Variants in CHSY1 observed in about 807,000 individuals in gnomAD.
The protein encoded by CHSY1 is N-acetylgalactosaminyl-proteoglycan 3-beta-glucuronosyltransferase 1.
A neutral mutation model predicts 59.8 loss-of-function variants in CHSY1; 13 were observed. The observed-to-expected ratio is 0.22, with a 90% confidence interval of 0.14 to 0.35. The LOEUF (loss-of-function observed/expected upper bound fraction) is 0.35, where lower values mean the gene tolerates loss of function less well. Among genes scored for constraint, CHSY1 ranks in the 10% least tolerant of loss-of-function variants. The probability of loss-of-function intolerance (pLI) is 1.00; values close to 1 mark genes in which losing one functional copy is unlikely to be tolerated. For missense variants in CHSY1, 947 were observed against 1,030.6 expected (o/e 0.92, Z 1.11); for synonymous variants, 459 against 401.2 (o/e 1.14, Z -1.72).
intron 1 of CHSY1, among the ~76,000 whole-genome samples, chr15:101,249,194 G>C (rs1486514192): frequency 6.6e-6 from 1 of 151,960 alleles, no homozygotes; most frequent in Non-Finnish European, 1.5e-5. Context: ...ATTTGGTTCA[G>C]GGGGCATGGG....
intron 2 of CHSY1, among the ~76,000 whole-genome samples, chr15:101,218,399 A>T (rs1373983810): frequency 6.6e-6 from 1 of 152,032 alleles, no homozygotes; most frequent in Non-Finnish European, 1.5e-5. Context: ...GAGTTTGAGA[A>T]CAGCCTGGTC....
At chr15:101,190,347 G>A (rs1341141221) in intron 2 of CHSY1, among the ~76,000 whole-genome samples, 3 of 152,174 alleles carry the variant, frequency 2.0e-5, no homozygotes, top group African/African-American at 7.2e-5. Context: ...ACAGTTTTCA[G>A]AGCATAGGCA....
intron 2 of CHSY1, among the ~76,000 whole-genome samples, chr15:101,191,311 A>C (rs963712542): frequency 6.6e-6 from 1 of 152,250 alleles, no homozygotes; most frequent in Non-Finnish European, 1.5e-5. Context: ...AAGAAGCCAA[A>C]CTGAAAAGGC....
At chr15:101,224,676 G>C (rs529135064) in intron 2 of CHSY1, among the ~76,000 whole-genome samples, 1 of 152,192 alleles carries the variant, frequency 6.6e-6, no homozygotes, top group African/African-American at 2.4e-5. Flanking sequence ...CTCCCACCTG[G>C]TCTAAGACCC....
intron 2 of CHSY1, among the ~76,000 whole-genome samples, chr15:101,222,382 T>C (rs541196310): frequency 1.4e-3 from 208 of 152,352 alleles, no homozygotes; most frequent in African/African-American, 4.7e-3. Context: ...ATTGTAAAGA[T>C]GGCAGAGACA....
intron 2 of CHSY1, among the ~76,000 whole-genome samples, chr15:101,201,372 A>C (rs1738498511): frequency 6.6e-6 from 1 of 152,234 alleles, no homozygotes; most frequent in Admixed American, 6.5e-5. Flanking sequence ...TCCTGGCAGG[A>C]GGAACCACCA....
At chr15:101,223,894 A>C (rs1567101804) in intron 2 of CHSY1, among the ~76,000 whole-genome samples, 1 of 152,256 alleles carries the variant, frequency 6.6e-6, no homozygotes, top group Non-Finnish European at 1.5e-5. Context: ...CCACTTTTAC[A>C]GTCCTGGCCC....
At chr15:101,232,757 A>T (rs1282541041) in intron 2 of CHSY1, among the ~76,000 whole-genome samples, 1 of 152,256 alleles carries the variant, frequency 6.6e-6, no homozygotes, top group Non-Finnish European at 1.5e-5. Context: ...GTAAGACAAC[A>T]TTTCAGCAGA....
chr15:101,222,558 A>G (rs1435438353), intron 2 of CHSY1, among the ~76,000 whole-genome samples: 2 of 152,096 alleles, frequency 1.3e-5, no homozygotes, highest in African/African-American at 4.8e-5. Context: ...CTTCCAATCT[A>G]GGGCCCCACA....
intron 2 of CHSY1, among the ~76,000 whole-genome samples, chr15:101,229,830 C>T (rs1014960085): frequency 2.0e-5 from 3 of 151,870 alleles, no homozygotes; most frequent in South Asian, 2.1e-4. Flanking sequence ...TCGCTTGAAC[C>T]GAGGAGGCAG....
chr15:101,182,782 C>A (rs953477595), intron 2 of CHSY1, among the ~76,000 whole-genome samples: 3 of 152,232 alleles, frequency 2.0e-5, no homozygotes, highest in Non-Finnish European at 4.4e-5. Flanking sequence ...AGCAAAGACA[C>A]TAGTTTTAAA....
At position 101,232,197 on chromosome 15, in the gene CHSY1, C is replaced by A. The variant is rs150398827; in HGVS notation, c.816+2885G>T. Among the ~76,000 whole-genome samples, 1,152 of 152,272 alleles carry A rather than the reference C, an allele frequency of 7.6e-3. 11 individuals carry two copies. The highest frequency in any genetic ancestry group is 0.013 in the Non-Finnish European group (860 of 68,022). ...CCTTCTGGCTAGGCTTATAATAGGG[C>A]AAAATAAGTACCTTCCAAGTCCCAA... On this transcript the variant is annotated intron_variant, in intron 2 of 2. Coordinates refer to ENST00000254190, the MANE Select transcript of CHSY1 (RefSeq NM_014918.5).
At chr15:101,250,078 A>G (rs2039091523) in intron 1 of CHSY1, among the ~76,000 whole-genome samples, 1 of 152,190 alleles carries the variant, frequency 6.6e-6, no homozygotes, top group Middle Eastern at 3.2e-3. Flanking sequence ...CCAAGACTGC[A>G]TTTAAAAACT....
chr15:101,214,057 C>T (rs1001795272), intron 2 of CHSY1, among the ~76,000 whole-genome samples: 6 of 152,210 alleles, frequency 3.9e-5, no homozygotes, highest in South Asian at 2.1e-4. Flanking sequence ...GATCCATCAC[C>T]TGTGGGGCTG....
intron 2 of CHSY1, chr15:101,189,348 C>A (rs577138452): frequency 2.8e-6 from 2 of 719,582 alleles, no homozygotes; most frequent in Non-Finnish European, 3.4e-6. Context: ...CATGTCTCTA[C>A]GAGAACGTGA....
intron 2 of CHSY1, among the ~76,000 whole-genome samples, chr15:101,190,369 C>T (rs1006007712): frequency 1.9e-4 from 29 of 152,190 alleles, no homozygotes; most frequent in African/African-American, 6.8e-4. Context: ...CCAACAAAAG[C>T]AATCCCACGG....
At chr15:101,230,209 T>C (rs528367011) in intron 2 of CHSY1, among the ~76,000 whole-genome samples, 2 of 152,284 alleles carry the variant, frequency 1.3e-5, no homozygotes, top group South Asian at 2.1e-4. Flanking sequence ...CCCAAAGTGC[T>C]GAGCCGCCAC....
chr15:101,212,997 A>C (rs570347325), intron 2 of CHSY1, among the ~76,000 whole-genome samples: 1 of 152,374 alleles, frequency 6.6e-6, no homozygotes, highest in Non-Finnish European at 1.5e-5. Flanking sequence ...TATTGAATAA[A>C]AAATAGGAAG....
At chr15:101,193,067 C>T (rs1408264961) in intron 2 of CHSY1, among the ~76,000 whole-genome samples, 2 of 152,228 alleles carry the variant, frequency 1.3e-5, no homozygotes, top group Admixed American at 6.5e-5. Context: ...TTACTGTGCA[C>T]GTTTTACTTT....
Sources: allele counts gnomAD v4.1 joint callset (sites outside exome capture counted in the v4.1 genomes callset), GRCh38; gene constraint gnomAD v4.1.1; transcripts MANE v1.5; gene names NCBI Gene and HGNC (gene_info 2026-07-23, HGNC 2026-07-21).